The following ZBTB44 variants were observed in gnomAD, a reference collection of about 807,000 sequenced individuals.
ZBTB44 encodes zinc finger and BTB domain-containing protein 44.
Under a neutral mutation model 54.0 loss-of-function variants are expected in ZBTB44, and 15 were observed. The ratio of observed to expected loss-of-function variants is 0.28; its 90% confidence interval spans 0.19 to 0.43. ZBTB44 has a LOEUF of 0.43. ZBTB44 is among the 20% of genes least tolerant of loss of function. The pLI is 1.00. For synonymous variants in ZBTB44, 230 were observed against 250.1 expected (o/e 0.92, Z 0.76); for missense variants, 487 against 707.1 (o/e 0.69, Z 3.53).
chr11:130,253,716 CTACTT>C (rs1357903159), intron 2 of ZBTB44, among the ~76,000 whole-genome samples: 1 of 152,170 alleles, frequency 6.6e-6, no homozygotes, highest in Non-Finnish European at 1.5e-5. Flanking sequence ...TTGGAAAAAA[CTACTT>C]TAAAGTTCAC....
intron 2 of ZBTB44, among the ~76,000 whole-genome samples, chr11:130,250,765 G>A (rs1014226287): frequency 1.3e-5 from 2 of 151,908 alleles, no homozygotes; most frequent in East Asian, 3.9e-4. Context: ...CCACACAGAC[G>A]CCCCATCCAA....
intron 1 of ZBTB44, among the ~76,000 whole-genome samples, chr11:130,270,344 G>C (rs1199186979): frequency 6.6e-6 from 1 of 152,208 alleles, no homozygotes; most frequent in Non-Finnish European, 1.5e-5. Context: ...TAAGATGCCT[G>C]TAAGAGGAAT....
At chr11:130,264,563 G>C (rs1292901910) in intron 1 of ZBTB44, among the ~76,000 whole-genome samples, 1 of 152,220 alleles carries the variant, frequency 6.6e-6, no homozygotes, top group African/African-American at 2.4e-5. Flanking sequence ...AATGGCTCAT[G>C]AGTACCTCCC....
chr11:130,232,176 A>C (rs1241373636), intron 7 of ZBTB44: 1 of 152,100 alleles, frequency 6.6e-6, no homozygotes. Context: ...AGCCAATCTA[A>C]AAAAATGAAA....
chr11:130,313,938 T>A (rs189390892), intron 1 of ZBTB44, among the ~76,000 whole-genome samples: 5 of 98,522 alleles, frequency 5.1e-5, no homozygotes, highest in East Asian at 6.3e-4. Flanking sequence ...GTGTGTGTGT[T>A]TGTGTGTGTG....
intron 1 of ZBTB44, among the ~76,000 whole-genome samples, chr11:130,278,754 G>C (rs1009028298): frequency 6.6e-6 from 1 of 152,014 alleles, no homozygotes; most frequent in African/African-American, 2.4e-5. Flanking sequence ...TTCAATTCCA[G>C]AATTTCTAAT....
At chr11:130,235,012 C>A (rs1287456431) in intron 5 of ZBTB44, among the ~76,000 whole-genome samples, 1 of 152,072 alleles carries the variant, frequency 6.6e-6, no homozygotes, top group African/African-American at 2.4e-5. Flanking sequence ...TCCTAAATTT[C>A]CTACTTATAA....
At chr11:130,251,210 C>T (rs1044444602) in intron 2 of ZBTB44, among the ~76,000 whole-genome samples, 4 of 152,054 alleles carry the variant, frequency 2.6e-5, no homozygotes, top group African/African-American at 9.7e-5. Context: ...TGAAGATCAA[C>T]TTACTGAAAT....
At chr11:130,272,705 G>T (rs747178096) in intron 1 of ZBTB44, among the ~76,000 whole-genome samples, 1 of 149,844 alleles carries the variant, frequency 6.7e-6, no homozygotes, top group Non-Finnish European at 1.5e-5. Context: ...TTTTTTTCAA[G>T]GAGTTTTAAA....
chr11:130,310,670 G>T (rs916809426), intron 1 of ZBTB44, among the ~76,000 whole-genome samples: 4 of 152,156 alleles, frequency 2.6e-5, no homozygotes, highest in African/African-American at 9.7e-5. Context: ...ACTAAAAGGA[G>T]TATGGTAAAG....
chr11:130,314,842 G>A lies in ZBTB44; in HGVS notation c.-524C>T, dbSNP rs1451065321. Among the ~76,000 whole-genome samples the A allele has an allele frequency of 6.4e-3, 1 of 156 alleles. No homozygotes were observed. Among genetic ancestry groups the A allele is most frequent in the Non-Finnish European group, 0.021 (1 of 48 alleles). The allele number at this position is 156 out of a possible 152,430, so 0.1% of individuals were successfully genotyped here. A position where few individuals can be genotyped will look rare whatever the true frequency, so the allele number is the denominator to read the frequency against. The stretch of plus-strand genomic sequence containing the variant: ...TTGGGAGGGAGCCGCCGCCGCGCGC[G>A]TGCGGCCGGCGCCGCCGCCGTTGCC... On this transcript the variant is annotated 5_prime_UTR_variant, in exon 1 of 8. In the 5' UTR this introduces an upstream ATG that the reference lacks. Transcript: ENST00000357899.
In ZBTB44 at chr11:130,230,552, A is replaced by G. The variant is rs1234008570; in HGVS notation, c.*1212T>C. On this transcript the variant is annotated 3_prime_UTR_variant, in exon 8 of 8. Transcript: ENST00000357899. ...AATGAGGCTATTTAAACATTTTAGT[A>G]TATTTTGTCTTACTGAAATTGATAA... 2.0e-5 allele frequency: 3 copies of G among 150,020 alleles called. No individual in the cohort carries two copies. The allele number at this position is 150,020 out of a possible 1,614,324, so 9.3% of individuals were successfully genotyped here.
At chr11:130,264,782 A>G (rs1445335147) in intron 1 of ZBTB44, among the ~76,000 whole-genome samples, 1 of 152,190 alleles carries the variant, frequency 6.6e-6, no homozygotes, top group East Asian at 1.9e-4. Context: ...GACATACCTC[A>G]TCTTCTTGCA....
Position 130,287,138 on chromosome 11 carries a change from G to A in ZBTB44, c.-56-25209C>T, listed in dbSNP as rs1197702465. Among the ~76,000 whole-genome samples the A allele has an allele frequency of 3.3e-5, 5 of 152,114 alleles. No individual in the cohort carries two copies. In the East Asian group the frequency reaches 9.6e-4, roughly 29 times the overall value. ...ATACCACTACAGAATTTCTTAATCT[G>A]TTAATCATGGACACCTTCAATTGCT... On this transcript the variant is annotated intron_variant, in intron 1 of 7. Coordinates refer to ENST00000357899, the MANE Select transcript of ZBTB44 (RefSeq NM_001301098.2).
chr11:130,242,166 G>C (rs532246034), intron 2 of ZBTB44, among the ~76,000 whole-genome samples: 1 of 152,028 alleles, frequency 6.6e-6, no homozygotes, highest in South Asian at 2.1e-4. Context: ...TATTTGTTTA[G>C]AAGTTACACA....
intron 1 of ZBTB44, among the ~76,000 whole-genome samples, chr11:130,289,481 C>CAA (rs796256653): frequency 1.7e-4 from 11 of 64,572 alleles, no homozygotes; most frequent in East Asian, 5.9e-4. Flanking sequence ...GACTCTGCCT[C>CAA]AAAAAAAAAA....
intron 2 of ZBTB44, among the ~76,000 whole-genome samples, chr11:130,256,637 G>C (rs2136400715): frequency 6.9e-6 from 1 of 144,164 alleles, no homozygotes; most frequent in East Asian, 1.9e-4. Flanking sequence ...CCTGGTGACA[G>C]AGTGAGACTC....
At chr11:130,249,208 T>C (rs919985515) in intron 2 of ZBTB44, among the ~76,000 whole-genome samples, 1 of 152,124 alleles carries the variant, frequency 6.6e-6, no homozygotes, top group African/African-American at 2.4e-5. Context: ...ATCTTAGATA[T>C]TTAGACAGAT....
intron 2 of ZBTB44, among the ~76,000 whole-genome samples, chr11:130,247,101 T>C (rs1007700589): frequency 2.0e-5 from 3 of 152,182 alleles, no homozygotes; most frequent in African/African-American, 7.2e-5. Context: ...TAAGCATCCC[T>C]GAAATCACCC....
Sources: gnomAD v4.1 joint callset for allele counts (sites outside exome capture counted in the v4.1 genomes callset) on GRCh38, gnomAD v4.1.1 for gene constraint, MANE v1.5 for transcripts, NCBI Gene and HGNC (gene_info 2026-07-23, HGNC 2026-07-21) for gene names.